PASD1: variants seen among roughly 807,000 people sequenced by gnomAD.
PASD1 encodes the protein circadian clock protein PASD1.
A neutral mutation model predicts 58.8 loss-of-function variants in PASD1; 13 were observed. That is an observed-to-expected ratio of 0.22 (90% CI 0.14 to 0.35). PASD1 has a LOEUF of 0.35. PASD1 is among the 10% of genes least tolerant of loss of function. The pLI is 1.00. For synonymous variants in PASD1, 236 were observed against 216.7 expected, an observed-to-expected ratio of 1.09 and a Z score of -0.78; for missense variants, 734 against 568.3, an observed-to-expected ratio of 1.29 and a Z score of -2.96.
intron 11 of PASD1, among the ~76,000 whole-genome samples, chrX:151,666,287 T>G (rs2014379686): frequency 9.0e-6 from 1 of 110,739 alleles, no homozygotes; most frequent in African/African-American, 3.3e-5. Context: ...CAGGCCCGAC[T>G]TCCAGCCTTG....
chrX:151,676,171 GA>G lies in PASD1; in HGVS notation c.*31del. On this transcript the variant is annotated 3_prime_UTR_variant, in exon 16 of 16. Transcript: ENST00000370357. ...GTACTTTCATGACCAGTGATGAGGG[GA>G]AATGGGGGGAGGGGGCAGGCCAATG... 8 of 1,186,942 alleles carry G rather than the reference GA, an allele frequency of 6.7e-6. No homozygotes were observed. The highest frequency in any genetic ancestry group is 9.1e-6 in the Non-Finnish European group (8 of 881,308).
At chrX:151,657,999 A>C (rs2014268459) in intron 9 of PASD1, among the ~76,000 whole-genome samples, 1 of 111,207 alleles carries the variant, frequency 9.0e-6, no homozygotes, top group African/African-American at 3.3e-5. Context: ...ACAATAAGCC[A>C]CCACAGGGAA....
rs1284094782 is a variant in PASD1 at position 151,676,200 on chromosome X, G to T, written c.*57G>T. Reference sequence around the variant, plus strand: ...TGGGGGGAGGGGGCAGGCCAATGAGGTCTGCATGGCCAGGGGACCTTCAAG... The same window carrying T: ...TGGGGGGAGGGGGCAGGCCAATGAGTTCTGCATGGCCAGGGGACCTTCAAG... On this transcript the variant is annotated 3_prime_UTR_variant, in exon 16 of 16. Transcript: ENST00000370357. 11 of 1,126,556 alleles carry T rather than the reference G, an allele frequency of 9.8e-6. No homozygotes were observed. Among genetic ancestry groups the T allele is most frequent in the Non-Finnish European group, 1.3e-5 (11 of 839,644 alleles). The allele number at this position is 1,126,556 out of a possible 1,213,427, so 92.8% of individuals were successfully genotyped here. A position where few individuals can be genotyped will look rare whatever the true frequency, so the allele number is the denominator to read the frequency against.
At chrX:151,629,533 C>T (rs2013840025) in intron 8 of PASD1, among the ~76,000 whole-genome samples, 1 of 112,069 alleles carries the variant, frequency 8.9e-6, no homozygotes, top group African/African-American at 3.2e-5. Context: ...CTTTATTGCT[C>T]CCAGCTTTTC....
intron 9 of PASD1, among the ~76,000 whole-genome samples, chrX:151,657,839 GTT>G (rs57349622): frequency 2.0e-3 from 194 of 98,806 alleles, no homozygotes; most frequent in East Asian, 3.8e-3. Context: ...TTTTTGGAGG[GTT>G]TTTTTTTTTT....
At chrX:151,639,020 G>C (rs5970081) in intron 8 of PASD1, among the ~76,000 whole-genome samples, 34,868 of 110,870 alleles carry the variant, frequency 0.31, 4,738 homozygotes, top group Middle Eastern at 0.48. Flanking sequence ...CTTTTGTATG[G>C]TCTGTAAAGC....
At chrX:151,570,170 A>T (rs753707377) in intron 1 of PASD1, among the ~76,000 whole-genome samples, 1 of 111,396 alleles carries the variant, frequency 9.0e-6, no homozygotes, top group African/African-American at 3.3e-5. Context: ...TAAGGGATTT[A>T]AAGGAAGTTA....
chrX:151,671,998 C>A (rs975329205), intron 13 of PASD1, among the ~76,000 whole-genome samples, 185 bp from the exon 14 acceptor site: 1 of 112,635 alleles, frequency 8.9e-6, no homozygotes, highest in African/African-American at 3.2e-5. Flanking sequence ...ACTCTCGCTG[C>A]CAGGTGCATG....
chrX:151,667,874 G>C (rs1212816007), intron 11 of PASD1, among the ~76,000 whole-genome samples: 3 of 111,451 alleles, frequency 2.7e-5, no homozygotes, highest in African/African-American at 9.8e-5. Flanking sequence ...GCTCTTTTTT[G>C]GTTCCATATG....
intron 3 of PASD1, among the ~76,000 whole-genome samples, chrX:151,607,997 T>G (rs1259626071): frequency 9.0e-6 from 1 of 111,359 alleles, no homozygotes; most frequent in African/African-American, 3.3e-5. Flanking sequence ...GTTTGAACGT[T>G]TTTGTTCATA....
At chrX:151,590,508 G>A (rs1259892938) in intron 1 of PASD1, among the ~76,000 whole-genome samples, 1 of 111,422 alleles carries the variant, frequency 9.0e-6, no homozygotes, top group Non-Finnish European at 1.9e-5. Context: ...TTAATACCTT[G>A]AACCTAACCC....
chrX:151,628,622 C>T (rs2013825303), intron 8 of PASD1, among the ~76,000 whole-genome samples: 2 of 111,687 alleles, frequency 1.8e-5, no homozygotes, highest in South Asian at 7.6e-4. Context: ...AGTCAGGTAG[C>T]ATGATGCCTC....
At chrX:151,629,410 G>C in intron 8 of PASD1, among the ~76,000 whole-genome samples, 1 of 111,608 alleles carries the variant, frequency 9.0e-6, no homozygotes. Flanking sequence ...GATCCACTGC[G>C]ACCAGCCAGA....
intron 9 of PASD1, 99 bp downstream of exon 9, chrX:151,648,801 A>G: frequency 1.1e-6 from 1 of 945,337 alleles, no homozygotes; most frequent in Non-Finnish European, 1.5e-6. Context: ...TGTCATATGG[A>G]TGTGACACAT....
At chrX:151,645,955 GGCTGGAGTGCATTGGCGTGATCACA>G in intron 8 of PASD1, among the ~76,000 whole-genome samples, 2 of 88,055 alleles carry the variant, frequency 2.3e-5, no homozygotes, top group Admixed American at 2.3e-4. Flanking sequence ...CTGTCATCTA[GGCTGGAGTGCATTGGCGTGATCACA>G]GCTCACTGCA....
At chrX:151,658,295 C>T (rs1002878614) in intron 9 of PASD1, among the ~76,000 whole-genome samples, 1 of 112,485 alleles carries the variant, frequency 8.9e-6, no homozygotes, top group Non-Finnish European at 1.9e-5. Flanking sequence ...GCATTTTAAA[C>T]TGTTATCTTT....
At chrX:151,574,661 T>G (rs2012974961) in intron 1 of PASD1, among the ~76,000 whole-genome samples, 1 of 112,179 alleles carries the variant, frequency 8.9e-6, no homozygotes, top group Non-Finnish European at 1.9e-5. Flanking sequence ...AGATTGCTCT[T>G]TTGGGACTAC....
At chrX:151,613,228 G>A (rs1363478230) in intron 4 of PASD1, among the ~76,000 whole-genome samples, 4 of 111,486 alleles carry the variant, frequency 3.6e-5, no homozygotes, top group African/African-American at 6.6e-5. Flanking sequence ...TAGCCTTGTA[G>A]TATAATTTGA....
chrX:151,672,916 A>G (rs1222123072), intron 14 of PASD1: 5 of 370,103 alleles, frequency 1.4e-5, no homozygotes, highest in East Asian at 5.0e-5. Context: ...GGAAGCCTCA[A>G]TGCTAGGGAA....
Sources: allele counts gnomAD v4.1 joint callset (sites outside exome capture counted in the v4.1 genomes callset), GRCh38; gene constraint gnomAD v4.1.1; transcripts MANE v1.5; gene names NCBI Gene and HGNC (gene_info 2026-07-23, HGNC 2026-07-21).